The following RIMS4 variants were observed in gnomAD, a reference collection of about 807,000 sequenced individuals.
The protein encoded by RIMS4 is regulating synaptic membrane exocytosis 4.
A neutral mutation model predicts 29.0 loss-of-function variants in RIMS4; 9 were observed. The ratio of observed to expected loss-of-function variants is 0.31; its 90% CI spans 0.19 to 0.54. The LOEUF (loss-of-function observed/expected upper bound fraction) is 0.54, where lower values mean the gene tolerates loss of function less well. Among genes scored for constraint, RIMS4 ranks in the 20% least tolerant of loss-of-function variants. The pLI is 0.94. For synonymous variants in RIMS4, 130 were observed against 152.9 expected (o/e 0.85, Z 1.10); for missense variants, 193 against 365.7 (o/e 0.53, Z 3.85).
intron 2 of RIMS4, among the ~76,000 whole-genome samples, chr20:44,768,939 G>A (rs1437037466): frequency 6.6e-6 from 1 of 152,296 alleles, no homozygotes; most frequent in Non-Finnish European, 1.5e-5. Flanking sequence ...TGGTCACTGT[G>A]CTAAGTTCTT....
chr20:44,794,968 G>A (rs560473959), intron 1 of RIMS4, among the ~76,000 whole-genome samples: 1 of 152,266 alleles, frequency 6.6e-6, no homozygotes, highest in South Asian at 2.1e-4. Context: ...AACCCAAGAG[G>A]GGTTCCAACT....
At chr20:44,769,148 G>A (rs918161565) in intron 2 of RIMS4, among the ~76,000 whole-genome samples, 4 of 152,124 alleles carry the variant, frequency 2.6e-5, no homozygotes, top group Non-Finnish European at 4.4e-5. Flanking sequence ...TCTGTAATTA[G>A]ACTCTCTGGT....
intron 2 of RIMS4, among the ~76,000 whole-genome samples, chr20:44,762,334 T>C (rs1031739027): frequency 1.3e-5 from 2 of 152,122 alleles, no homozygotes; most frequent in African/African-American, 4.8e-5. Context: ...ACTGGTGACA[T>C]GGCCTTTCCT....
chr20:44,766,060 G>C lies in RIMS4; in HGVS notation c.236+5215C>G, dbSNP rs550278291. Among the ~76,000 whole-genome samples, 22 of 152,344 alleles carry C rather than the reference G, an allele frequency of 1.4e-4. No homozygotes were observed. In the East Asian group the frequency reaches 4.2e-3, roughly 29 times the overall value. ...AGACAGACACACATGTGACAAGATA[G>C]AGAGTGGAGGGCACTGTGGTGGGGG... is the stretch of plus-strand genomic sequence containing the variant. On this transcript the variant is annotated intron_variant, in intron 2 of 5. Transcript: ENST00000372851.
At position 44,810,195 on chromosome 20, in the gene RIMS4, G is replaced by T; in HGVS notation, c.77C>A (p.Ser26Tyr). The T allele has an allele frequency of 6.3e-7, 1 of 1,591,290 alleles. No individual in the cohort carries two copies. Among genetic ancestry groups the T allele is most frequent in the Non-Finnish European group, 8.6e-7 (1 of 1,167,502 alleles). ...ALAIYFPCMN[S>Y]FDDEDAGDSR... ...CTTACCTGCGTCCTCGTCGTCGAAG[G>T]AGTTCATGCACGGGAAGTAGATGGC... is the stretch of plus-strand genomic sequence containing the variant. Residue 26 changes from serine to tyrosine, a missense_variant, in exon 1 of 6, where the codon TCC becomes TAC. By Grantham distance (144) the Ser-to-Tyr change is moderately radical (BLOSUM62 -2). Transcript: ENST00000372851.
chr20:44,787,493 G>A (rs751540047), intron 1 of RIMS4, among the ~76,000 whole-genome samples: 3 of 152,100 alleles, frequency 2.0e-5, no homozygotes. Context: ...CAAAATTTAC[G>A]CAGCCTGGAG....
chr20:44,777,864 C>G (rs1207744860), intron 1 of RIMS4, among the ~76,000 whole-genome samples: 1 of 152,186 alleles, frequency 6.6e-6, no homozygotes, highest in African/African-American at 2.4e-5. Flanking sequence ...CTGTGAAGTT[C>G]CCCCAGACAC....
At chr20:44,797,697 T>C (rs946586583) in intron 1 of RIMS4, among the ~76,000 whole-genome samples, 22 of 152,230 alleles carry the variant, frequency 1.4e-4, no homozygotes, top group African/African-American at 4.8e-4. Flanking sequence ...AGTGTCATCA[T>C]GCCCATTTTA....
chr20:44,770,862 A>C (rs1375353927), intron 2 of RIMS4, among the ~76,000 whole-genome samples: 1 of 152,234 alleles, frequency 6.6e-6, no homozygotes, highest in Non-Finnish European at 1.5e-5. Flanking sequence ...TTATTTCTTA[A>C]GCAGCACTAA....
At chr20:44,761,632 G>A (rs533487439) in intron 2 of RIMS4, among the ~76,000 whole-genome samples, 1 of 152,180 alleles carries the variant, frequency 6.6e-6, no homozygotes, top group South Asian at 2.1e-4. Flanking sequence ...TGACGCATCC[G>A]TTATTAGCTC....
chr20:44,772,681 C>G (rs749512840), intron 1 of RIMS4, among the ~76,000 whole-genome samples: 9 of 152,150 alleles, frequency 5.9e-5, no homozygotes, highest in Non-Finnish European at 1.3e-4. Context: ...TGGGGTAGAT[C>G]ATTAGTGGGA....
At chr20:44,785,896 G>C (rs1328395262) in intron 1 of RIMS4, among the ~76,000 whole-genome samples, 1 of 152,050 alleles carries the variant, frequency 6.6e-6, no homozygotes, top group African/African-American at 2.4e-5. Context: ...AGGGGGCCTT[G>C]ATTGATTGGT....
rs1161583042 is a variant in RIMS4 at position 44,756,498 on chromosome 20, T to A, written c.592-146A>T. On this transcript the variant is annotated intron_variant, in intron 5 of 5. Coordinates refer to ENST00000372851, the MANE Select transcript of RIMS4 (RefSeq NM_182970.4). The surrounding 1 kb of genome is among the most constrained non-coding windows in gnomAD (Gnocchi z 5.9). ...CTGCAATTCCTCAACAGGCCTTTCT[T>A]ATCACGGGGCATCACACCAAGCCCC... The A allele has an allele frequency of 4.5e-6, 3 of 667,262 alleles. No individual in the cohort carries two copies. Among genetic ancestry groups the A allele is most frequent in the Non-Finnish European group, 7.8e-6 (3 of 383,718 alleles). 41.3% of individuals were successfully genotyped at this position (667,262 alleles called of 1,614,324 possible). A position where few individuals can be genotyped will look rare whatever the true frequency, so the allele number is the denominator to read the frequency against.
chr20:44,779,976 C>T (rs2066176716), intron 1 of RIMS4, among the ~76,000 whole-genome samples: 1 of 152,040 alleles, frequency 6.6e-6, no homozygotes, highest in Admixed American at 6.5e-5. Context: ...ATTTATATTC[C>T]CCAAATGTAA....
intron 2 of RIMS4, among the ~76,000 whole-genome samples, chr20:44,767,026 T>A (rs1697595379): frequency 6.6e-6 from 1 of 152,122 alleles, no homozygotes; most frequent in Non-Finnish European, 1.5e-5. Flanking sequence ...GTTCCGAGAG[T>A]TCCCCATCAG....
intron 1 of RIMS4, among the ~76,000 whole-genome samples, chr20:44,791,244 T>C (rs144499933): frequency 2.0e-5 from 3 of 152,372 alleles, no homozygotes; most frequent in Admixed American, 6.5e-5. Flanking sequence ...TTTTGGATTA[T>C]AGAATTTGAG....
intron 1 of RIMS4, among the ~76,000 whole-genome samples, chr20:44,775,869 A>C (rs2066158111): frequency 1.3e-5 from 2 of 152,240 alleles, no homozygotes; most frequent in African/African-American, 2.4e-5. Context: ...AAGGAAATTT[A>C]TTTCTCTTTT....
chr20:44,773,774 G>A (rs1312744846), intron 1 of RIMS4, among the ~76,000 whole-genome samples: 2 of 152,164 alleles, frequency 1.3e-5, no homozygotes, highest in Non-Finnish European at 1.5e-5. Context: ...CCTCCCAGCA[G>A]CCCTGGCTCC....
At chr20:44,778,152 G>A (rs1028563656) in intron 1 of RIMS4, among the ~76,000 whole-genome samples, 3 of 152,234 alleles carry the variant, frequency 2.0e-5, no homozygotes, top group African/African-American at 7.2e-5. Context: ...CCAGAGCACT[G>A]ATGTTGCCTC....
Sources: allele counts gnomAD v4.1 joint callset (sites outside exome capture counted in the v4.1 genomes callset), GRCh38; gene constraint gnomAD v4.1.1; non-coding constraint Gnocchi (gnomAD v3.1); transcripts MANE v1.5; gene names NCBI Gene and HGNC (gene_info 2026-07-23, HGNC 2026-07-21).